The following LPA variants were observed in gnomAD, a reference collection of about 807,000 sequenced individuals.
LPA encodes the protein lipoprotein(a), also known as apolipoprotein(a).
A neutral mutation model predicts 197.9 loss-of-function variants in LPA; 199 were observed. The ratio of observed to expected loss-of-function variants is 1.01; its 90% CI spans 0.90 to 1.13. The LOEUF (loss-of-function observed/expected upper bound fraction) is 1.13. Among genes scored for constraint, LPA ranks in the 50% most tolerant of loss-of-function variants. LPA has a pLI of 0.00. For synonymous variants in LPA, 715 were observed against 639.5 expected (o/e 1.12, Z -1.78); for missense variants, 1,853 against 1,785.8 (o/e 1.04, Z -0.68).
intron 26 of LPA, among the ~76,000 whole-genome samples, chr6:160,583,111 A>G (rs2115036075): frequency 6.6e-6 from 1 of 152,240 alleles, no homozygotes; most frequent in South Asian, 2.1e-4. Flanking sequence ...ATCCTTGAAC[A>G]CAATTATGAT....
chr6:160,575,537 G>A (rs1778639699), intron 28 of LPA, among the ~76,000 whole-genome samples: 1 of 152,152 alleles, frequency 6.6e-6, no homozygotes, highest in Non-Finnish European at 1.5e-5. Context: ...TATGTTGAGA[G>A]GATTTTGGTC....
chr6:160,593,990 C>T lies in LPA; in HGVS notation c.3597G>A (p.Trp1199Ter). 6.2e-7 allele frequency: 1 copy of T among 1,613,914 alleles called. No individual in the cohort carries two copies. The highest frequency in any genetic ancestry group is 8.5e-7 in the Non-Finnish European group (1 of 1,179,858). Residue 1199 changes from tryptophan to a stop codon, truncating the protein, a stop_gained, in exon 22 of 39, where the codon TGG (tryptophan) becomes TGA (stop). Transcript: ENST00000316300. LOFTEE classifies it high-confidence loss of function. ...CQSWSSMTPH[W>*]HQRTTEYYPN... ...GATAATATTCTGTTGTCCTCTGATG[C>T]CAGTGTGGTGTCATAGAGGACCAAG...
At chr6:160,658,046 G>T (rs947476203) in intron 1 of LPA, among the ~76,000 whole-genome samples, 1 of 152,110 alleles carries the variant, frequency 6.6e-6, no homozygotes, top group Non-Finnish European at 1.5e-5. Flanking sequence ...CTGCCTCAGG[G>T]AAGGCCATCA....
At chr6:160,610,065 C>T (rs1008761744) in intron 16 of LPA, among the ~76,000 whole-genome samples, 3 of 152,078 alleles carry the variant, frequency 2.0e-5, no homozygotes, top group Admixed American at 2.0e-4. Flanking sequence ...AGTTATCATA[C>T]TGATATGTCA....
intron 21 of LPA, among the ~76,000 whole-genome samples, chr6:160,594,981 C>T (rs1344201919): frequency 1.3e-5 from 2 of 152,204 alleles, no homozygotes; most frequent in Non-Finnish European, 2.9e-5. Flanking sequence ...ATGCAATGAA[C>T]ACTGACTACT....
chr6:160,584,477 A>G (rs1778868766), intron 26 of LPA, among the ~76,000 whole-genome samples: 1 of 151,188 alleles, frequency 6.6e-6, no homozygotes, highest in Non-Finnish European at 1.5e-5. Flanking sequence ...AATTACAGGT[A>G]CCCACCACCA....
chr6:160,596,451 A>G (rs2115050189), intron 20 of LPA, among the ~76,000 whole-genome samples: 2 of 151,934 alleles, frequency 1.3e-5, no homozygotes, highest in Middle Eastern at 6.8e-3. Context: ...ACAACTGTCA[A>G]AGTCTTTGTT....
chr6:160,573,392 C>G (rs1458093482), intron 28 of LPA, among the ~76,000 whole-genome samples: 1 of 150,972 alleles, frequency 6.6e-6, no homozygotes, highest in African/African-American at 2.4e-5. Context: ...TTTCTCTGGT[C>G]CCTCCCTGAT....
At position 160,650,441 on chromosome 6, in the gene LPA, A is replaced by T; in HGVS notation, c.106T>A (p.Tyr36Asn). Reference protein sequence around the residue: ...QDCYHGDGQSYRGTYSTTVTG... With the variant: ...QDCYHGDGQSNRGTYSTTVTG... Reference sequence around the variant, plus strand: ...ACAGTGGTGGAGTACGTGCCTCGATAACTCTGTCCATCACCATGGTAGCAA... The same window carrying T: ...ACAGTGGTGGAGTACGTGCCTCGATTACTCTGTCCATCACCATGGTAGCAA... Residue 36 changes from tyrosine (Y) to asparagine (N), a missense_variant, in exon 2 of 39, where the codon TAT (tyrosine) becomes AAT (asparagine). Coordinates refer to ENST00000316300, the MANE Select transcript of LPA (RefSeq NM_005577.4). 1 of 1,613,908 alleles carries T rather than the reference A, an allele frequency of 6.2e-7. No homozygotes were observed. Among genetic ancestry groups the T allele is most frequent in the Non-Finnish European group, 8.5e-7 (1 of 1,179,834 alleles).
intron 17 of LPA, among the ~76,000 whole-genome samples, chr6:160,605,925 C>T (rs1346148797): frequency 6.6e-6 from 1 of 152,170 alleles, no homozygotes; most frequent in Non-Finnish European, 1.5e-5. Flanking sequence ...ACTTAAAAAC[C>T]TAGGGCTGCA....
chr6:160,553,026 A>G (rs1778191048), intron 30 of LPA, among the ~76,000 whole-genome samples: 1 of 152,200 alleles, frequency 6.6e-6, no homozygotes, highest in South Asian at 2.1e-4. Context: ...ACCTTAAACT[A>G]TCACATTCAA....
chr6:160,554,594 C>T (rs550739912), intron 30 of LPA, among the ~76,000 whole-genome samples: 63 of 152,224 alleles, frequency 4.1e-4, no homozygotes, highest in South Asian at 2.1e-3. Flanking sequence ...TGTCTCTCCT[C>T]GGGCTGATCA....
At chr6:160,572,163 T>C (rs975449587) in intron 28 of LPA, among the ~76,000 whole-genome samples, 7 of 152,178 alleles carry the variant, frequency 4.6e-5, no homozygotes, top group South Asian at 2.1e-4. Flanking sequence ...CCAGGTGAGG[T>C]GACACCCCAC....
At chr6:160,539,419 G>T (rs1017177253) in intron 36 of LPA, among the ~76,000 whole-genome samples, 1 of 150,818 alleles carries the variant, frequency 6.6e-6, no homozygotes, top group Admixed American at 6.6e-5. Context: ...ATTATTATTT[G>T]CATTTGTAAA....
chr6:160,595,622 T>G (rs1779117906), intron 20 of LPA, 87 bp from the exon 21 acceptor site: 10 of 1,589,344 alleles, frequency 6.3e-6, no homozygotes, highest in Non-Finnish European at 8.6e-6. Context: ...TGTAACAAAG[T>G]GTAAAAAGAG....
rs549222660 is a variant in LPA, at chr6:160,593,874, T to A, written c.3629+84A>T. The A allele has an allele frequency of 1.3e-4, 205 of 1,534,620 alleles. No homozygotes were observed. In the African/African-American group the frequency reaches 2.4e-3, roughly 18 times the overall value. On this transcript the variant is annotated intron_variant, in intron 22 of 38. Coordinates refer to ENST00000316300, the MANE Select transcript of LPA (RefSeq NM_005577.4). ...TTCCAGATCTGAGATAAATTTGTCA[T>A]AAGAAGTTAGTTGGAAGCATGGCCC...
intron 2 of LPA, among the ~76,000 whole-genome samples, chr6:160,646,975 C>T (rs1034646494): frequency 2.6e-5 from 4 of 152,140 alleles, no homozygotes; most frequent in Admixed American, 1.3e-4. Context: ...AAGCATTGTG[C>T]AAATAGTATT....
At position 160,591,048 on chromosome 6, in the gene LPA, C is replaced by T. The variant is rs370173168; in HGVS notation, c.3683G>A (p.Cys1228Tyr). The change falls in exon 23 of 39, where the codon TGT (cysteine) becomes TAT (tyrosine). Residue 1228 changes from cysteine to tyrosine, a missense_variant. Transcript: ENST00000316300. Reference sequence around the variant, plus strand: ...TCTGACATTGGGATCCATGGTATAACACCAAGGACTAATCTCAGCATCTGG... The same window carrying T: ...TCTGACATTGGGATCCATGGTATAATACCAAGGACTAATCTCAGCATCTGG... ...RNPDAEISPW[C>Y]YTMDPNVRWE... The T allele has an allele frequency of 6.2e-6, 10 of 1,613,876 alleles. No individual in the cohort carries two copies. The highest frequency in any genetic ancestry group is 8.5e-6 in the Non-Finnish European group (10 of 1,179,928).
In LPA at chr6:160,557,562, G is replaced by A. The variant is rs779472569; in HGVS notation, c.4641C>T (p.Thr1547=). 13 of 1,613,866 alleles carry A rather than the reference G, an allele frequency of 8.1e-6. No homozygotes were observed. The highest frequency in any genetic ancestry group is 7.7e-5 in the South Asian group (7 of 91,070). ...TPENYPNAGL[T]ENYCRNPDSG... is the part of the protein sequence containing the mutation. ...AATCTGGATTCCTGCAGTAGTTCTC[G>A]GTCAGGCCACTGCAAATTCCAAAAC... Residue 1547 remains threonine (T), a synonymous_variant, in exon 29 of 39, where the codon ACC becomes ACT. Transcript: ENST00000316300.
Sources: gnomAD v4.1 joint callset for allele counts (sites outside exome capture counted in the v4.1 genomes callset) on GRCh38, gnomAD v4.1.1 for gene constraint, MANE v1.5 for transcripts, NCBI Gene and HGNC (gene_info 2026-07-23, HGNC 2026-07-21) for gene names.